KIRREL3: variants seen among roughly 807,000 people sequenced by gnomAD.
KIRREL3 encodes the protein kin of IRRE-like protein 3.
A neutral mutation model predicts 89.7 loss-of-function variants in KIRREL3; 36 were observed. The observed-to-expected ratio is 0.40, with a 90% CI of 0.31 to 0.53. The LOEUF (loss-of-function observed/expected upper bound fraction) is 0.53. Ranked by LOEUF, KIRREL3 falls within the 20% of genes least tolerant of loss-of-function variation. The probability of loss-of-function intolerance (pLI) is 0.49; values close to 1 mark genes in which losing one functional copy is unlikely to be tolerated. For missense variants in KIRREL3, 864 were observed against 1,056.6 expected, an observed-to-expected ratio of 0.82 and a Z score of 2.53; for synonymous variants, 445 against 441.4, an observed-to-expected ratio of 1.01 and a Z score of -0.10.
At chr11:126,440,851 C>A (rs1300038394) in intron 10 of KIRREL3, 1 of 458,612 alleles carries the variant, frequency 2.2e-6, no homozygotes, top group Non-Finnish European at 4.0e-6. Flanking sequence ...AAGTGCTAAC[C>A]GACTTCAGAG....
chr11:126,775,686 C>T (rs1950150451), intron 1 of KIRREL3, among the ~76,000 whole-genome samples: 2 of 152,166 alleles, frequency 1.3e-5, no homozygotes, highest in Admixed American at 6.5e-5. Context: ...TTTGATGTAC[C>T]ACATACTGGG....
chr11:126,967,817 A>ACG (rs1565464308), intron 1 of KIRREL3, among the ~76,000 whole-genome samples: 1 of 151,786 alleles, frequency 6.6e-6, no homozygotes, highest in African/African-American at 2.4e-5. Flanking sequence ...GCAGCTGGGG[A>ACG]GGGGGCTTGC....
rs1249763263 is a variant in KIRREL3 at position 126,462,820 on chromosome 11, C to T, written c.742+337G>A. Among the ~76,000 whole-genome samples, 1 of 152,214 alleles carries T rather than the reference C, an allele frequency of 6.6e-6. No homozygotes were observed. Among genetic ancestry groups the T allele is most frequent in the Non-Finnish European group, 1.5e-5 (1 of 68,038 alleles). The stretch of plus-strand genomic sequence containing the variant: ...AGCCTGGGGACCCTTCAAATACCAG[C>T]ATCTCCACTCAGACTTCCCCTCCAA... On this transcript the variant is annotated intron_variant, in intron 6 of 16. Transcript: ENST00000525144. This position sits in a 1 kb window ranked among gnomAD's most constrained non-coding sequence, Gnocchi z 4.8.
In KIRREL3 at chr11:126,656,207, T is replaced by TC. The variant is rs1384751703; in HGVS notation, c.56-93296dup. ...TCAGGGAGGGCTACAGAGTTAGGAC[T>TC]CCGAAGTCAGAAAGATGCCTGTTGG... is the stretch of plus-strand genomic sequence containing the variant. On this transcript the variant is annotated intron_variant, in intron 1 of 16. Transcript: ENST00000525144. This position sits in a 1 kb window ranked among gnomAD's most constrained non-coding sequence, Gnocchi z 4.0. The TC allele has an allele frequency of 1.5e-5, 7 of 455,576 alleles. No individual in the cohort carries two copies. The highest frequency in any genetic ancestry group is 3.1e-5 in the Non-Finnish European group (7 of 226,610). 28.2% of individuals were successfully genotyped at this position (455,576 alleles called of 1,614,324 possible).
In KIRREL3 at chr11:127,000,752, C is replaced by G. The variant is rs971601248; in HGVS notation, c.-243G>C. ...CGGGATTGTCAGCAATGTCCCCACT[C>G]GGAGAAGATCCATTCTCTGGCTCTT... On this transcript the variant is annotated 5_prime_UTR_variant, in exon 1 of 17. Transcript: ENST00000525144. This position sits in a 1 kb window ranked among gnomAD's most constrained non-coding sequence, Gnocchi z 7.1. 2 of 518,488 alleles carry G rather than the reference C, an allele frequency of 3.9e-6. No homozygotes were observed. The highest frequency in any genetic ancestry group is 3.9e-5 in the African/African-American group (2 of 51,588). The allele number at this position is 518,488 out of a possible 1,614,324, so 32.1% of individuals were successfully genotyped here.
intron 4 of KIRREL3, among the ~76,000 whole-genome samples, chr11:126,493,674 AAGAG>A (rs1555123190): frequency 6.6e-6 from 1 of 150,812 alleles, no homozygotes; most frequent in African/African-American, 2.4e-5. Context: ...AAAAAAAAAA[AAGAG>A]AGAATTGGAG....
At position 126,605,962 on chromosome 11, in the gene KIRREL3, G is replaced by C. The variant is rs896814126; in HGVS notation, c.56-43050C>G. On this transcript the variant is annotated intron_variant, in intron 1 of 16. Transcript: ENST00000525144. The surrounding 1 kb of genome is among the most constrained non-coding windows in gnomAD (Gnocchi z 5.7). Reference sequence around the variant, plus strand: ...AGTGACACACAGAATGGCCCCTTTGGCAGGGAGCAGTGAGCCATAGTGTGG... The same window carrying C: ...AGTGACACACAGAATGGCCCCTTTGCCAGGGAGCAGTGAGCCATAGTGTGG... 6.6e-6 allele frequency among the ~76,000 whole-genome samples: 1 copy of C among 152,190 alleles called. No individual in the cohort carries two copies. The highest frequency in any genetic ancestry group is 2.4e-5 in the African/African-American group (1 of 41,434).
At position 126,931,096 on chromosome 11, in the gene KIRREL3, C is replaced by A. The variant is rs1337419422; in HGVS notation, c.55+69359G>T. On this transcript the variant is annotated intron_variant, in intron 1 of 16. Transcript: ENST00000525144. The surrounding 1 kb of genome is among the most constrained non-coding windows in gnomAD (Gnocchi z 5.1). Reference sequence around the variant, plus strand: ...CAGTTGGATACCCTACCTGTGAGTTCCCACAGGCCTCTATGCTCATCTCAG... The same window carrying A: ...CAGTTGGATACCCTACCTGTGAGTTACCACAGGCCTCTATGCTCATCTCAG... Among the ~76,000 whole-genome samples, 2 of 152,184 alleles carry A rather than the reference C, an allele frequency of 1.3e-5. No individual in the cohort carries two copies. The highest frequency in any genetic ancestry group is 2.9e-5 in the Non-Finnish European group (2 of 68,032).
intron 1 of KIRREL3, among the ~76,000 whole-genome samples, chr11:126,728,942 G>A (rs1442815850): frequency 3.9e-5 from 6 of 152,216 alleles, no homozygotes; most frequent in African/African-American, 7.2e-5. Flanking sequence ...CAAAGCTTTC[G>A]GGGCAGAGGG....
At chr11:126,790,143 A>T (rs1341667779) in intron 1 of KIRREL3, among the ~76,000 whole-genome samples, 1 of 152,198 alleles carries the variant, frequency 6.6e-6, no homozygotes, top group Non-Finnish European at 1.5e-5. Context: ...ACTCTATTGG[A>T]GTGGTCCTCC....
At chr11:126,560,614 C>T (rs73635306) in intron 2 of KIRREL3, among the ~76,000 whole-genome samples, 1 of 152,106 alleles carries the variant, frequency 6.6e-6, no homozygotes, top group Non-Finnish European at 1.5e-5. Context: ...AAAAGGACAC[C>T]AAATTAACAG....
Position 126,978,940 on chromosome 11 carries a change from T to G in KIRREL3, c.55+21515A>C, listed in dbSNP as rs980266787. Among the ~76,000 whole-genome samples the G allele has an allele frequency of 6.6e-6, 1 of 152,214 alleles. No homozygotes were observed. The highest frequency in any genetic ancestry group is 6.5e-5 in the Admixed American group (1 of 15,278). ...TGAAAGTTTGGCAGGTTTCCCAGTG[T>G]GTACTGAGAAAACAACAAGGGTTGC... On this transcript the variant is annotated intron_variant, in intron 1 of 16. Transcript: ENST00000525144. The surrounding 1 kb of genome is among the most constrained non-coding windows in gnomAD (Gnocchi z 4.2).
At position 126,918,482 on chromosome 11, in the gene KIRREL3, T is replaced by C. The variant is rs990354635; in HGVS notation, c.55+81973A>G. On this transcript the variant is annotated intron_variant, in intron 1 of 16. Transcript: ENST00000525144. The surrounding 1 kb of genome is among the most constrained non-coding windows in gnomAD (Gnocchi z 6.5). ...TCTGACAGGGTGATAAGCAAGCTTG[T>C]GGTGGAGGGCAGTTACCGGATTTTA... Among the ~76,000 whole-genome samples the C allele has an allele frequency of 6.6e-6, 1 of 152,232 alleles. No homozygotes were observed. Among genetic ancestry groups the C allele is most frequent in the African/African-American group, 2.4e-5 (1 of 41,456 alleles).
intron 1 of KIRREL3, among the ~76,000 whole-genome samples, chr11:126,930,819 C>A (rs904797347): frequency 1.3e-5 from 2 of 152,300 alleles, no homozygotes; most frequent in African/African-American, 4.8e-5. Context: ...AGGATTGTGT[C>A]CCTACCCCTG....
In KIRREL3 at chr11:126,558,555, T is replaced by A. The variant is rs76698809; in HGVS notation, c.133+4280A>T. 3.2e-3 allele frequency among the ~76,000 whole-genome samples: 486 copies of A among 152,286 alleles called. 1 individual carries two copies. Among genetic ancestry groups the A allele is most frequent in the African/African-American group, 0.011 (449 of 41,566 alleles). The stretch of plus-strand genomic sequence containing the variant: ...CACTTCATATGGGCCCCGGGCAAGT[T>A]GCTGCATGCTCTTGGGCCATGCTGT... On this transcript the variant is annotated intron_variant, in intron 2 of 16. Coordinates refer to ENST00000525144, the MANE Select transcript of KIRREL3 (RefSeq NM_032531.4). The surrounding 1 kb of genome is among the most constrained non-coding windows in gnomAD (Gnocchi z 4.0).
intron 6 of KIRREL3, among the ~76,000 whole-genome samples, chr11:126,457,264 CAT>C (rs1173231893): frequency 9.5e-6 from 1 of 104,884 alleles, no homozygotes; most frequent in African/African-American, 3.3e-5. Context: ...TGTGTGTATG[CAT>C]GTGTGTGTAT....
At position 126,892,448 on chromosome 11, in the gene KIRREL3, C is replaced by T. The variant is rs1326295930; in HGVS notation, c.55+108007G>A. Among the ~76,000 whole-genome samples, 1 of 152,048 alleles carries T rather than the reference C, an allele frequency of 6.6e-6. No individual in the cohort carries two copies. The highest frequency in any genetic ancestry group is 2.4e-5 in the African/African-American group (1 of 41,370). ...CTCAGGAGGGGCCCTGGGAGAGGCA[C>T]AAGTGGCAGCTTTTTTTTCTTGAAA... is the stretch of plus-strand genomic sequence containing the variant. On this transcript the variant is annotated intron_variant, in intron 1 of 16. Transcript: ENST00000525144. This position sits in a 1 kb window ranked among gnomAD's most constrained non-coding sequence, Gnocchi z 5.4.
rs1333681748 is a variant in KIRREL3 at position 126,872,064 on chromosome 11, G to A, written c.55+128391C>T. 6.6e-6 allele frequency among the ~76,000 whole-genome samples: 1 copy of A among 152,196 alleles called. No homozygotes were observed. The highest frequency in any genetic ancestry group is 1.5e-5 in the Non-Finnish European group (1 of 68,036). On this transcript the variant is annotated intron_variant, in intron 1 of 16. Transcript: ENST00000525144. This position sits in a 1 kb window ranked among gnomAD's most constrained non-coding sequence, Gnocchi z 4.2. ...TTTCCCAGCAGTGGTCACAACCTGGGTTGTCACCTTGCTGATTGGAGCAGG... is the reference window on the plus strand; with the variant it reads ...TTTCCCAGCAGTGGTCACAACCTGGATTGTCACCTTGCTGATTGGAGCAGG...
At chr11:126,440,257 G>A in intron 11 of KIRREL3, 192 bp downstream of exon 11, 1 of 706,438 alleles carries the variant, frequency 1.4e-6, no homozygotes, top group Non-Finnish European at 2.6e-6. Context: ...GGAGAGCACT[G>A]CCTGTTCTGA....
Sources: gnomAD v4.1 joint callset for allele counts (sites outside exome capture counted in the v4.1 genomes callset) on GRCh38, gnomAD v4.1.1 for gene constraint, Gnocchi (gnomAD v3.1) non-coding constraint, MANE v1.5 for transcripts, NCBI Gene and HGNC (gene_info 2026-07-23, HGNC 2026-07-21) for gene names.